Variants in CHCHD3 observed in about 807,000 individuals in gnomAD.
The protein encoded by CHCHD3 is MICOS complex subunit MIC19.
In CHCHD3, 20 loss-of-function variants were observed where a neutral mutation model predicts 38.2. That is an observed-to-expected ratio of 0.52 (90% CI 0.37 to 0.76). The LOEUF is 0.76. Among genes scored for constraint, CHCHD3 ranks in the 30% least tolerant of loss-of-function variants. The probability of loss-of-function intolerance (pLI) is 0.00; values close to 1 mark genes in which losing one functional copy is unlikely to be tolerated. For synonymous variants in CHCHD3, 82 were observed against 100.0 expected (o/e 0.82, Z 1.07); for missense variants, 245 against 279.2 (o/e 0.88, Z 0.87).
chr7:133,041,071 T>C (rs1191545430), intron 2 of CHCHD3, among the ~76,000 whole-genome samples: 2 of 152,184 alleles, frequency 1.3e-5, no homozygotes, highest in Non-Finnish European at 2.9e-5. Flanking sequence ...GAAGGTCGCC[T>C]GTAGAATCAG....
At chr7:132,920,607 G>T (rs1444414950) in intron 4 of CHCHD3, among the ~76,000 whole-genome samples, 1 of 152,226 alleles carries the variant, frequency 6.6e-6, no homozygotes, top group Admixed American at 6.5e-5. Context: ...TCATGAAAAA[G>T]CAAAAATGGT....
rs1192835692 is a variant in CHCHD3, at chr7:133,034,463, T to C, written c.170-9836A>G. 21 of 720,542 alleles carry C rather than the reference T, an allele frequency of 2.9e-5. No homozygotes were observed. In the East Asian group the frequency reaches 5.5e-4, roughly 19 times the overall value. 44.6% of individuals were successfully genotyped at this position (720,542 alleles called of 1,614,324 possible). A position where few individuals can be genotyped will look rare whatever the true frequency, so the allele number is the denominator to read the frequency against. On this transcript the variant is annotated intron_variant, in intron 2 of 7. Transcript: ENST00000262570. ...AACATATATGATACTTTTAAAAAAATGCATCTATAATTCTTTTCAAGTCCT... is the reference window on the plus strand; with the variant it reads ...AACATATATGATACTTTTAAAAAAACGCATCTATAATTCTTTTCAAGTCCT...
At chr7:132,863,387 G>A (rs540965307) in intron 5 of CHCHD3, among the ~76,000 whole-genome samples, 2 of 152,090 alleles carry the variant, frequency 1.3e-5, no homozygotes, top group African/African-American at 4.8e-5. Context: ...TCAACAGTAG[G>A]CTTAAAATAT....
At chr7:133,068,541 G>C (rs1411166929) in intron 2 of CHCHD3, among the ~76,000 whole-genome samples, 1 of 152,182 alleles carries the variant, frequency 6.6e-6, no homozygotes, top group Non-Finnish European at 1.5e-5. Context: ...GACATGACTT[G>C]ACCTGATTTG....
chr7:132,819,219 C>G (rs1005557211), intron 6 of CHCHD3, among the ~76,000 whole-genome samples: 2 of 152,126 alleles, frequency 1.3e-5, no homozygotes, highest in Admixed American at 6.5e-5. Context: ...GGCAATGGGC[C>G]CTTCAAACTC....
At chr7:132,896,018 A>C (rs1809485324) in intron 4 of CHCHD3, among the ~76,000 whole-genome samples, 1 of 152,212 alleles carries the variant, frequency 6.6e-6, no homozygotes, top group South Asian at 2.1e-4. Context: ...ATTTCTAATA[A>C]AGTTTTGTTC....
intron 5 of CHCHD3, among the ~76,000 whole-genome samples, chr7:132,869,655 C>A (rs1204087140): frequency 6.6e-6 from 1 of 152,156 alleles, no homozygotes; most frequent in Non-Finnish European, 1.5e-5. Context: ...GACATAATGG[C>A]TCACTGCAGC....
At chr7:132,886,627 T>A (rs923525314) in intron 4 of CHCHD3, among the ~76,000 whole-genome samples, 1 of 151,456 alleles carries the variant, frequency 6.6e-6, no homozygotes, top group African/African-American at 2.4e-5. Flanking sequence ...AGAAAGTGTG[T>A]GTGTGTATAT....
intron 4 of CHCHD3, among the ~76,000 whole-genome samples, chr7:132,911,786 A>G (rs1160191535): frequency 6.6e-6 from 1 of 152,226 alleles, no homozygotes; most frequent in African/African-American, 2.4e-5. Context: ...TGCCCAAAGC[A>G]AGTCAAATGT....
chr7:132,895,292 C>A (rs1435195395), intron 4 of CHCHD3, among the ~76,000 whole-genome samples: 2 of 152,236 alleles, frequency 1.3e-5, no homozygotes, highest in African/African-American at 4.8e-5. Context: ...GCACTATCAA[C>A]AATTTGGACC....
At chr7:132,793,131 G>C (rs558198258) in intron 7 of CHCHD3, among the ~76,000 whole-genome samples, 10 of 152,288 alleles carry the variant, frequency 6.6e-5, no homozygotes, top group African/African-American at 1.9e-4. Flanking sequence ...CTGTAAGGTA[G>C]GTGGTGTGCA....
intron 5 of CHCHD3, among the ~76,000 whole-genome samples, chr7:132,882,181 G>A (rs544663943): frequency 6.6e-6 from 1 of 152,178 alleles, no homozygotes; most frequent in Admixed American, 6.5e-5. Flanking sequence ...TCACCATGAA[G>A]ATGAGCAAGG....
At chr7:133,074,112 G>C (rs926934712) in intron 1 of CHCHD3, among the ~76,000 whole-genome samples, 54 of 152,114 alleles carry the variant, frequency 3.5e-4, no homozygotes, top group African/African-American at 1.2e-3. Context: ...GAAAGAACAG[G>C]AATTAGCCTT....
intron 4 of CHCHD3, among the ~76,000 whole-genome samples, chr7:132,910,537 A>G (rs191560182): frequency 3.9e-5 from 6 of 152,328 alleles, no homozygotes; most frequent in East Asian, 1.9e-4. Context: ...TTCCCTTTGT[A>G]TATCTGTCTC....
At chr7:132,845,179 G>A (rs550728100) in intron 5 of CHCHD3, 1 of 152,130 alleles carries the variant, frequency 6.6e-6, no homozygotes, top group Non-Finnish European at 1.5e-5. Flanking sequence ...CTTTTCCTCT[G>A]TAAAACAGGA....
intron 4 of CHCHD3, among the ~76,000 whole-genome samples, chr7:132,886,028 C>T (rs1809199799): frequency 6.6e-6 from 1 of 152,058 alleles, no homozygotes; most frequent in African/African-American, 2.4e-5. Flanking sequence ...TATTTAACTT[C>T]CCTATCAAAG....
At chr7:132,799,428 C>T (rs901716615) in intron 6 of CHCHD3, among the ~76,000 whole-genome samples, 5 of 152,152 alleles carry the variant, frequency 3.3e-5, no homozygotes, top group African/African-American at 1.2e-4. Context: ...TTATTGACTG[C>T]TTTCATTCCT....
chr7:132,976,442 T>C (rs948717627), intron 3 of CHCHD3, among the ~76,000 whole-genome samples: 5 of 152,214 alleles, frequency 3.3e-5, no homozygotes, highest in Non-Finnish European at 7.3e-5. Context: ...TTGTACATGA[T>C]AAAGATAAAT....
At chr7:132,978,793 G>T (rs1811841225) in intron 3 of CHCHD3, among the ~76,000 whole-genome samples, 1 of 152,120 alleles carries the variant, frequency 6.6e-6, no homozygotes, top group Admixed American at 6.5e-5. Flanking sequence ...TTGACACCTG[G>T]ATTGAAAGAG....
Sources: gnomAD v4.1 joint callset for allele counts (sites outside exome capture counted in the v4.1 genomes callset) on GRCh38, gnomAD v4.1.1 for gene constraint, MANE v1.5 for transcripts, NCBI Gene and HGNC (gene_info 2026-07-23, HGNC 2026-07-21) for gene names.